Variants in TMEM71 observed in about 807,000 individuals in gnomAD.
TMEM71 encodes the protein transmembrane protein 71.
TMEM71 carries 44 observed loss-of-function variants against 38.0 expected under a neutral mutation model. The observed-to-expected ratio is 1.16, with a 90% CI of 0.91 to 1.49. The LOEUF is 1.49. Ranked by LOEUF, TMEM71 falls within the 40% of genes most tolerant of loss-of-function variation. The pLI, the probability that TMEM71 is intolerant of heterozygous loss-of-function variation, is 0.00. For missense variants in TMEM71, 367 were observed against 348.6 expected (o/e 1.05, Z -0.42); for synonymous variants, 133 against 122.5 (o/e 1.09, Z -0.56).
Position 132,751,792 on chromosome 8 carries a change from A to T in TMEM71, c.307T>A (p.Leu103Ile), listed in dbSNP as rs1432056938. 1 of 1,613,330 alleles carries T rather than the reference A, an allele frequency of 6.2e-7. No individual in the cohort carries two copies. The highest frequency in any genetic ancestry group is 1.3e-5 in the African/African-American group (1 of 75,042). The change falls in exon 4 of 10, where the codon TTA becomes ATA. Residue 103 changes from leucine to isoleucine, a missense_variant. Leu to Ile is a conservative substitution (Grantham distance 5, BLOSUM62 2). Transcript: ENST00000677595. ...SQTSVMYKEN[L>I]VRIFRKKKRI... ...GTAATATGCTCTGCTTACCTAACTA[A>T]GTTCTCCTTATACATAACGCTGGTC...
chr8:132,719,640 T>C (rs1434246019), intron 7 of TMEM71, among the ~76,000 whole-genome samples: 2 of 152,228 alleles, frequency 1.3e-5, no homozygotes, highest in African/African-American at 4.8e-5. Context: ...GAAACATCCA[T>C]GCTCTTGCCC....
chr8:132,736,854 G>A (rs1827778091), intron 5 of TMEM71, among the ~76,000 whole-genome samples: 3 of 151,858 alleles, frequency 2.0e-5, no homozygotes, highest in South Asian at 2.1e-4. Flanking sequence ...ATTGCTGAGA[G>A]AGCAGTTCTT....
chr8:132,724,366 C>T (rs896389996), intron 6 of TMEM71, among the ~76,000 whole-genome samples: 2 of 152,108 alleles, frequency 1.3e-5, no homozygotes, highest in African/African-American at 2.4e-5. Flanking sequence ...ATAGACCTCC[C>T]TCCAGGAATG....
At chr8:132,743,306 CT>C (rs1368752537) in intron 5 of TMEM71, among the ~76,000 whole-genome samples, 1 of 151,922 alleles carries the variant, frequency 6.6e-6, no homozygotes, top group East Asian at 1.9e-4. Flanking sequence ...ATTTCCTTAC[CT>C]CTCATTCTCT....
intron 1 of TMEM71, among the ~76,000 whole-genome samples, chr8:132,759,696 C>T (rs1829225997): frequency 6.6e-6 from 1 of 152,172 alleles, no homozygotes. Flanking sequence ...TTTTCTGATT[C>T]ACCACTTATG....
At chr8:132,739,214 C>T (rs565015582) in intron 5 of TMEM71, among the ~76,000 whole-genome samples, 2 of 152,242 alleles carry the variant, frequency 1.3e-5, no homozygotes, top group Non-Finnish European at 2.9e-5. Context: ...TGATGGATTT[C>T]TCCTTGAAAA....
intron 3 of TMEM71, among the ~76,000 whole-genome samples, chr8:132,756,448 A>G (rs1337145408): frequency 3.7e-5 from 4 of 107,392 alleles, no homozygotes; most frequent in Non-Finnish European, 7.3e-5. Context: ...TATATTCATT[A>G]TTCTATTAGG....
chr8:132,764,507 G>T (rs1387482951), upstream of TMEM71, among the ~76,000 whole-genome samples: 4 of 152,160 alleles, frequency 2.6e-5, no homozygotes, highest in African/African-American at 9.7e-5. Flanking sequence ...TTCATGGCCT[G>T]CCAGGCCTGG....
chr8:132,736,087 C>T (rs1827729718), intron 5 of TMEM71, among the ~76,000 whole-genome samples: 1 of 152,132 alleles, frequency 6.6e-6, no homozygotes, highest in Non-Finnish European at 1.5e-5. Context: ...TACCAAGGTT[C>T]TAAACTGAGC....
At chr8:132,767,449 A>C in the TMEM71 span, among the ~76,000 whole-genome samples, 235 of 150,360 alleles carry the variant, frequency 1.6e-3, 1 homozygote, top group Non-Finnish European at 2.8e-3. Context: ...TCATGCTTAT[A>C]ATTGTTTTGA....
intron 5 of TMEM71, among the ~76,000 whole-genome samples, chr8:132,739,690 A>G (rs1213014089): frequency 6.6e-6 from 1 of 152,170 alleles, no homozygotes; most frequent in African/African-American, 2.4e-5. Flanking sequence ...AATTATAATA[A>G]ATATGATAAT....
At chr8:132,751,675 G>A (rs2131179444) in intron 4 of TMEM71, 110 bp downstream of exon 4, 1 of 1,039,124 alleles carries the variant, frequency 9.6e-7, no homozygotes, top group Middle Eastern at 3.1e-4. Flanking sequence ...TCCACAGTCT[G>A]GAGCAATAAT....
chr8:132,717,861 A>G (rs756301183), intron 7 of TMEM71, among the ~76,000 whole-genome samples: 6 of 152,238 alleles, frequency 3.9e-5, no homozygotes, highest in Non-Finnish European at 7.3e-5. Flanking sequence ...CAACTGACGA[A>G]TGGATAAACA....
chr8:132,761,664 C>T (rs1180851795), upstream of TMEM71, among the ~76,000 whole-genome samples: 1 of 152,176 alleles, frequency 6.6e-6, no homozygotes, highest in Non-Finnish European at 1.5e-5. Flanking sequence ...ATTCTCCATC[C>T]CTTGAGTGTA....
chr8:132,747,197 T>C (rs1828439761), intron 4 of TMEM71, 83 bp from the exon 5 acceptor site: 1 of 1,236,534 alleles, frequency 8.1e-7, no homozygotes. Flanking sequence ...AGAGTACATT[T>C]CTACAACCCA....
chr8:132,720,476 G>A (rs543716713), intron 7 of TMEM71, among the ~76,000 whole-genome samples: 1 of 152,262 alleles, frequency 6.6e-6, no homozygotes, highest in South Asian at 2.1e-4. Flanking sequence ...GCACATCATG[G>A]TCTTCCAGTT....
At chr8:132,750,309 C>T (rs1828635195) in intron 4 of TMEM71, among the ~76,000 whole-genome samples, 1 of 152,156 alleles carries the variant, frequency 6.6e-6, no homozygotes, top group African/African-American at 2.4e-5. Flanking sequence ...CCCTCCCTCC[C>T]TCATCAACAA....
intron 7 of TMEM71, 26 bp downstream of exon 7, chr8:132,722,014 C>T (rs1826879408): frequency 6.3e-7 from 1 of 1,585,382 alleles, no homozygotes; most frequent in Admixed American, 1.7e-5. Flanking sequence ...TGAAATACCG[C>T]TGCATGAAAA....
chr8:132,713,941 T>C lies in TMEM71; in HGVS notation c.872+54A>G, dbSNP rs1007059905. 29 of 1,562,886 alleles carry C rather than the reference T, an allele frequency of 1.9e-5. No individual in the cohort carries two copies. In the Admixed American group the frequency reaches 4.2e-4, roughly 23 times the overall value. On this transcript the variant is annotated intron_variant, in intron 9 of 9. Coordinates refer to ENST00000677595, the MANE Select transcript of TMEM71 (RefSeq NM_001382403.1). ...ATGCAGCAGAAACCATTCTCAGATA[T>C]CAAATTATGATCACCTTGGTCCAGA...
Sources: gnomAD v4.1 joint callset for allele counts (sites outside exome capture counted in the v4.1 genomes callset) on GRCh38, gnomAD v4.1.1 for gene constraint, MANE v1.5 for transcripts, NCBI Gene and HGNC (gene_info 2026-07-23, HGNC 2026-07-21) for gene names.